Variants in BCAN observed in about 807,000 individuals in gnomAD.
BCAN encodes brevican core protein.
A neutral mutation model predicts 92.4 loss-of-function variants in BCAN; 51 were observed. The observed-to-expected ratio is 0.55, with a 90% CI of 0.44 to 0.70. BCAN has a LOEUF of 0.70. BCAN is among the 30% of genes least tolerant of loss of function. The probability of loss-of-function intolerance (pLI) is 0.00; values close to 1 mark genes in which losing one functional copy is unlikely to be tolerated. For missense variants in BCAN, 1,140 were observed against 1,212.1 expected, an observed-to-expected ratio of 0.94 and a Z score of 0.88; for synonymous variants, 501 against 505.2, an observed-to-expected ratio of 0.99 and a Z score of 0.11.
chr1:156,656,310 TG>T lies in BCAN; in HGVS notation c.1973del (p.Gly658ValfsTer198). On this transcript the variant is annotated frameshift_variant, in exon 9 of 14. Coordinates refer to ENST00000329117, the MANE Select transcript of BCAN (RefSeq NM_021948.5). LOFTEE classifies it high-confidence loss of function. ...ACTGTGTCCCCAGCCCCTGCCACAA[TG>T]GTGGGACATGCTTGGAGGAGGAGGA... is the stretch of plus-strand genomic sequence containing the variant. ...GDCVPSPCHN[G>X]GTCLEEEEGV... The T allele has an allele frequency of 6.9e-7, 1 of 1,449,012 alleles. No individual in the cohort carries two copies. The highest frequency in any genetic ancestry group is 9.0e-7 in the Non-Finnish European group (1 of 1,108,226). 89.8% of individuals were successfully genotyped at this position (1,449,012 alleles called of 1,614,324 possible).
Position 156,646,040 on chromosome 1 carries a change from C to T in BCAN, c.-8-7C>T, listed in dbSNP as rs1557985411. On this transcript the variant is annotated splice_polypyrimidine_tract_variant and splice_region_variant and intron_variant, in intron 1 of 13. Coordinates refer to ENST00000329117, the MANE Select transcript of BCAN (RefSeq NM_021948.5). ...CCCCATCTTTCCTTCTCATGTCCCT[C>T]TGTCAGCCTGCAGCATGGCCCAGCT... 6.2e-6 allele frequency: 10 copies of T among 1,608,414 alleles called. No homozygotes were observed. Among genetic ancestry groups the T allele is most frequent in the Non-Finnish European group, 8.5e-6 (10 of 1,175,606 alleles).
chr1:156,658,864 G>T lies in BCAN; in HGVS notation c.2628+131G>T. ...TCACTGCCCCTCTCTGAGGCAAAGG[G>T]GAAGAGGTGGGCTGGAGGCTCTGGG... On this transcript the variant is annotated intron_variant, in intron 13 of 13. Transcript: ENST00000329117. This position sits in a 1 kb window ranked among gnomAD's most constrained non-coding sequence, Gnocchi z 4.4. 7.1e-7 allele frequency: 1 copy of T among 1,405,502 alleles called. No individual in the cohort carries two copies. The allele number at this position is 1,405,502 out of a possible 1,614,324, so 87.1% of individuals were successfully genotyped here. A position where few individuals can be genotyped will look rare whatever the true frequency, so the allele number is the denominator to read the frequency against.
chr1:156,649,772 A>C (rs1679101674), intron 6 of BCAN: 1 of 433,428 alleles, frequency 2.3e-6, no homozygotes, highest in African/African-American at 2.0e-5. Flanking sequence ...CAAAAGGCCC[A>C]GGCCAAGGGT....
At chr1:156,649,878 AG>A (rs774823895) in intron 6 of BCAN, 7 of 518,798 alleles carry the variant, frequency 1.3e-5, no homozygotes, top group Admixed American at 9.7e-5. Flanking sequence ...CAGAAATGGA[AG>A]GAGCAGACAC....
In BCAN at chr1:156,658,876, C is replaced by T; in HGVS notation, c.2628+143C>T. On this transcript the variant is annotated intron_variant, in intron 13 of 13. Transcript: ENST00000329117. This position sits in a 1 kb window ranked among gnomAD's most constrained non-coding sequence, Gnocchi z 4.4. ...TCTGAGGCAAAGGGGAAGAGGTGGG[C>T]TGGAGGCTCTGGGGTTCCTTCAGTG... 1 of 1,366,108 alleles carries T rather than the reference C, an allele frequency of 7.3e-7. No homozygotes were observed. Among genetic ancestry groups the T allele is most frequent in the Non-Finnish European group, 1.0e-6 (1 of 991,904 alleles). The allele number at this position is 1,366,108 out of a possible 1,614,324, so 84.6% of individuals were successfully genotyped here.
intron 6 of BCAN, chr1:156,650,015 T>C (rs1306306717): frequency 3.1e-5 from 16 of 510,336 alleles, no homozygotes; most frequent in East Asian, 5.5e-5. Context: ...AGAAAAGCAT[T>C]ACTTCCATTT....
intron 6 of BCAN, among the ~76,000 whole-genome samples, chr1:156,650,941 T>TA (rs953888346): frequency 7.9e-5 from 12 of 152,274 alleles, no homozygotes; most frequent in African/African-American, 2.6e-4. Flanking sequence ...AGACTCTGTC[T>TA]AAAAAATAAA....
intron 1 of BCAN, chr1:156,643,681 T>A (rs1353948207): frequency 1.6e-5 from 2 of 126,028 alleles, no homozygotes; most frequent in Non-Finnish European, 3.6e-5. Context: ...TGGTCTTAAC[T>A]CTCTGGGTTG....
At chr1:156,655,530 A>G (rs1679297046) in intron 8 of BCAN, among the ~76,000 whole-genome samples, 1 of 152,126 alleles carries the variant, frequency 6.6e-6, no homozygotes, top group Non-Finnish European at 1.5e-5. Context: ...TATTGAGAGA[A>G]AGCTGCATGT....
At position 156,646,970 on chromosome 1, in the gene BCAN, G is replaced by A. The variant is rs747642559; in HGVS notation, c.261G>A (p.Glu87=). 2 of 1,612,980 alleles carry A rather than the reference G, an allele frequency of 1.2e-6. No homozygotes were observed. Among genetic ancestry groups the A allele is most frequent in the Non-Finnish European group, 1.7e-6 (2 of 1,179,596 alleles). The part of the protein sequence containing the change: ...VKWTFLSRGR[E]AEVLVARGVR... The stretch of plus-strand genomic sequence containing the variant: ...GGACTTTCCTGTCCCGGGGCCGGGA[G>A]GCAGAGGTGCTGGTGGCGCGGGGAG... Residue 87 remains glutamate (E), a synonymous_variant, in exon 3 of 14, where the codon GAG becomes GAA. Transcript: ENST00000329117.
intron 9 of BCAN, 24 bp from the exon 10 acceptor site, chr1:156,656,914 G>A (rs1328368567): frequency 6.2e-7 from 1 of 1,607,104 alleles, no homozygotes; most frequent in Non-Finnish European, 8.5e-7. Flanking sequence ...GGGGCCCTAA[G>A]ATGCCCGCCC....
chr1:156,659,179 C>T lies in BCAN; in HGVS notation c.*45C>T, dbSNP rs1414034430. 6 of 1,427,262 alleles carry T rather than the reference C, an allele frequency of 4.2e-6. No homozygotes were observed. In the Admixed American group the frequency reaches 1.3e-4, roughly 31 times the overall value. 88.4% of individuals were successfully genotyped at this position (1,427,262 alleles called of 1,614,324 possible). A position where few individuals can be genotyped will look rare whatever the true frequency, so the allele number is the denominator to read the frequency against. ...TGCCGGCCACAGCACTGCCCTGTCA[C>T]CCAAATTTTCCCTCACACCCTGCGC... On this transcript the variant is annotated 3_prime_UTR_variant, in exon 14 of 14. Coordinates refer to ENST00000329117, the MANE Select transcript of BCAN (RefSeq NM_021948.5).
intron 2 of BCAN, 138 bp downstream of exon 2, chr1:156,646,283 G>A: frequency 1.3e-6 from 1 of 794,956 alleles, no homozygotes; most frequent in Non-Finnish European, 2.0e-6. Flanking sequence ...GGAAATAAGG[G>A]CTGAGCTGTG....
At chr1:156,646,685 G>A (rs559333260) in intron 2 of BCAN, 116 bp from the exon 3 acceptor site, 38 of 1,453,704 alleles carry the variant, frequency 2.6e-5, no homozygotes, top group African/African-American at 5.8e-5. Flanking sequence ...TGGTCCTAGG[G>A]GGGCCGGGGA....
chr1:156,647,391 T>A lies in BCAN; in HGVS notation c.467-117T>A, dbSNP rs2102557692. 8.2e-7 allele frequency: 1 copy of A among 1,212,338 alleles called. No individual in the cohort carries two copies. Among genetic ancestry groups the A allele is most frequent in the East Asian group, 2.4e-5 (1 of 41,136 alleles). 75.1% of individuals were successfully genotyped at this position (1,212,338 alleles called of 1,614,324 possible). ...AATCTAACTTAAGTCCCTCATGCTG[T>A]AGAGTGAGCACAATTGAACTTTATT... On this transcript the variant is annotated intron_variant, in intron 3 of 13. Coordinates refer to ENST00000329117, the MANE Select transcript of BCAN (RefSeq NM_021948.5). The surrounding 1 kb of genome is among the most constrained non-coding windows in gnomAD (Gnocchi z 4.8).
At position 156,652,630 on chromosome 1, in the gene BCAN, T is replaced by TGAGGCAAGAGAGGTGGGG. The variant is rs1254548515; in HGVS notation, c.1688_1705dup (p.Arg563_Ala568dup). On this transcript the variant is annotated inframe_insertion, in exon 8 of 14. Coordinates refer to ENST00000329117, the MANE Select transcript of BCAN (RefSeq NM_021948.5). ...CATCCCCATCACCTTCCACTCTGGT[T>TGAGGCAAGAGAGGTGGGG]GAGGCAAGAGAGGTGGGGGAGGCAA... 5.0e-6 allele frequency: 8 copies of TGAGGCAAGAGAGGTGGGG among 1,613,836 alleles called. No homozygotes were observed. The highest frequency in any genetic ancestry group is 1.6e-4 in the Middle Eastern group (1 of 6,084).
In BCAN at chr1:156,652,349, G is replaced by A. The variant is rs1411994386; in HGVS notation, c.1399G>A (p.Glu467Lys). The change falls in exon 8 of 14, where the codon GAG (glutamate) becomes AAG (lysine). Residue 467 changes from glutamate to lysine, a missense_variant. By Grantham distance (56) the Glu-to-Lys change is moderately conservative. Transcript: ENST00000329117. ...ATATGAAGATGAAGAAGAGAAAGAGGAGGAAGAAGAAGAGGAGGAGGTGGA... is the reference window on the plus strand; with the variant it reads ...ATATGAAGATGAAGAAGAGAAAGAGAAGGAAGAAGAAGAGGAGGAGGTGGA... ...EKYEDEEEKE[E>K]EEEEEEVEDE... is the part of the protein sequence containing the mutation. 20 of 1,613,952 alleles carry A rather than the reference G, an allele frequency of 1.2e-5. No individual in the cohort carries two copies. Among genetic ancestry groups the A allele is most frequent in the Admixed American group, 3.3e-5 (2 of 59,988 alleles).
At position 156,647,044 on chromosome 1, in the gene BCAN, C is replaced by T; in HGVS notation, c.335C>T (p.Ala112Val). The T allele has an allele frequency of 6.2e-7, 1 of 1,611,866 alleles. No homozygotes were observed. The highest frequency in any genetic ancestry group is 8.5e-7 in the Non-Finnish European group (1 of 1,178,664). ...EAYRFRVALP[A>V]YPASLTDVSL... ...TACCGGTTCCGCGTGGCACTGCCTG[C>T]GTACCCAGCGTCGCTCACCGACGTC... is the stretch of plus-strand genomic sequence containing the variant. The change falls in exon 3 of 14, where the codon GCG becomes GTG. Residue 112 changes from alanine to valine, a missense_variant. This residue lies in a region of BCAN where 286 missense variants were observed against 284.1 expected (regional missense o/e 1.01). Transcript: ENST00000329117. The surrounding 1 kb of genome is among the most constrained non-coding windows in gnomAD (Gnocchi z 4.8).
intron 8 of BCAN, among the ~76,000 whole-genome samples, chr1:156,656,035 A>G (rs1447263448): frequency 6.6e-6 from 1 of 152,008 alleles, no homozygotes; most frequent in East Asian, 1.9e-4. Context: ...CTGGGCTCAC[A>G]CTGGTGGCCA....
Sources: gnomAD v4.1 joint callset for allele counts (sites outside exome capture counted in the v4.1 genomes callset) on GRCh38, gnomAD v4.1.1 for gene constraint, gnomAD v4.1.1 regional missense constraint, Gnocchi (gnomAD v3.1) non-coding constraint, MANE v1.5 for transcripts, NCBI Gene and HGNC (gene_info 2026-07-23, HGNC 2026-07-21) for gene names.